MYO3B: variants seen among roughly 807,000 people sequenced by gnomAD.
MYO3B encodes myosin IIIB.
Under a neutral mutation model 174.6 loss-of-function variants are expected in MYO3B, and 156 were observed. The ratio of observed to expected loss-of-function variants is 0.89; its 90% CI spans 0.78 to 1.02. The LOEUF (loss-of-function observed/expected upper bound fraction) is 1.02, where lower values mean the gene tolerates loss of function less well. Among genes scored for constraint, MYO3B ranks in the 50% least tolerant of loss-of-function variants. The probability of loss-of-function intolerance (pLI) is 0.00; values close to 1 mark genes in which losing one functional copy is unlikely to be tolerated. For synonymous variants in MYO3B, 563 were observed against 569.1 expected (o/e 0.99, Z 0.15); for missense variants, 1,632 against 1,639.4 (o/e 1.00, Z 0.08).
chr2:170,381,083 T>C (rs2094331728), intron 9 of MYO3B, among the ~76,000 whole-genome samples: 2 of 152,204 alleles, frequency 1.3e-5, no homozygotes. Context: ...ACTATGCCAC[T>C]GCATTTCAGC....
At chr2:170,365,267 G>T (rs2094190322) in intron 8 of MYO3B, among the ~76,000 whole-genome samples, 1 of 152,168 alleles carries the variant, frequency 6.6e-6, no homozygotes, top group Non-Finnish European at 1.5e-5. Context: ...TAAAAGAGGG[G>T]CTAGAATCGA....
At chr2:170,529,187 C>A (rs955132101) in intron 30 of MYO3B, among the ~76,000 whole-genome samples, 1 of 152,062 alleles carries the variant, frequency 6.6e-6, no homozygotes, top group Non-Finnish European at 1.5e-5. Context: ...GAACAACAGA[C>A]ACTGGAACCT....
intron 7 of MYO3B, among the ~76,000 whole-genome samples, chr2:170,286,832 G>A (rs528666328): frequency 6.6e-6 from 1 of 152,070 alleles, no homozygotes; most frequent in South Asian, 2.1e-4. Flanking sequence ...ATAGAGTTCA[G>A]TGGTAATAAC....
At chr2:170,614,090 C>T (rs1695296929) in intron 32 of MYO3B, among the ~76,000 whole-genome samples, 1 of 152,162 alleles carries the variant, frequency 6.6e-6, no homozygotes, top group Admixed American at 6.5e-5. Context: ...CGTGCTCTCT[C>T]TCCCACCTCC....
intron 32 of MYO3B, among the ~76,000 whole-genome samples, chr2:170,583,077 C>A (rs141485095): frequency 2.6e-5 from 4 of 151,282 alleles, no homozygotes; most frequent in African/African-American, 7.3e-5. Flanking sequence ...CCCCGCACAC[C>A]CCCCACTGCA....
rs550771550 is a variant in MYO3B at position 170,648,486 on chromosome 2, C to T, written c.3734-3142C>T. ...CTCTATTAAAAATACAAAAACTTAG[C>T]TGGGTGTAGTGGTATCTGCCTGTAA... On this transcript the variant is annotated intron_variant, in intron 32 of 34. Transcript: ENST00000408978. Among the ~76,000 whole-genome samples, 11 of 151,428 alleles carry T rather than the reference C, an allele frequency of 7.3e-5. 1 individual carries two copies. In the South Asian group the frequency reaches 2.1e-3, roughly 29 times the overall value.
intron 32 of MYO3B, among the ~76,000 whole-genome samples, chr2:170,613,253 A>G (rs1695230659): frequency 2.0e-5 from 3 of 152,276 alleles, no homozygotes; most frequent in African/African-American, 7.2e-5. Context: ...GCTGAACACA[A>G]TTCAGCCTGC....
At position 170,192,839 on chromosome 2, in the gene MYO3B, G is replaced by T. The variant is rs187833244; in HGVS notation, c.3-6369G>T. Among the ~76,000 whole-genome samples, 468 of 151,494 alleles carry T rather than the reference G, an allele frequency of 3.1e-3. 2 individuals carry two copies. The highest frequency in any genetic ancestry group is 0.01 in the African/African-American group (430 of 41,434). ...AGTTTTAATATTCTCAGGTGGCTAGGTTTCTTCTTTCTATTATTAATATTT... is the reference window on the plus strand; with the variant it reads ...AGTTTTAATATTCTCAGGTGGCTAGTTTTCTTCTTTCTATTATTAATATTT... On this transcript the variant is annotated intron_variant, in intron 1 of 34. Coordinates refer to ENST00000408978, the MANE Select transcript of MYO3B (RefSeq NM_138995.5).
At position 170,382,000 on chromosome 2, in the gene MYO3B, CT is replaced by C. The variant is rs1558943783; in HGVS notation, c.972-14del. On this transcript the variant is annotated splice_polypyrimidine_tract_variant and intron_variant, in intron 9 of 34. Transcript: ENST00000408978. ...TTTGCTGTCTTAATGCTTAAACTCT[CT>C]TGATAAATTTCTAGGCATGAGAGGA... The C allele has an allele frequency of 6.2e-7, 1 of 1,605,964 alleles. No homozygotes were observed. The highest frequency in any genetic ancestry group is 1.1e-5 in the South Asian group (1 of 90,520).
chr2:170,500,295 A>G (rs1687176669), intron 27 of MYO3B, among the ~76,000 whole-genome samples: 1 of 152,198 alleles, frequency 6.6e-6, no homozygotes, highest in Non-Finnish European at 1.5e-5. Flanking sequence ...GGAAGATTCA[A>G]AGGTTTACGA....
At chr2:170,266,697 A>T (rs1420037773) in intron 7 of MYO3B, among the ~76,000 whole-genome samples, 1 of 152,190 alleles carries the variant, frequency 6.6e-6, no homozygotes, top group Non-Finnish European at 1.5e-5. Flanking sequence ...TTCACGACAG[A>T]TTCTCATCTG....
chr2:170,262,186 G>T (rs763245687), intron 7 of MYO3B, among the ~76,000 whole-genome samples: 1 of 152,218 alleles, frequency 6.6e-6, no homozygotes, highest in Non-Finnish European at 1.5e-5. Flanking sequence ...ACAAGGGGCA[G>T]AATTTTCAAA....
intron 23 of MYO3B, among the ~76,000 whole-genome samples, chr2:170,456,437 G>C (rs975613142): frequency 6.6e-6 from 1 of 152,188 alleles, no homozygotes; most frequent in Non-Finnish European, 1.5e-5. Flanking sequence ...TGGGCTATGG[G>C]AGAGACAGAG....
intron 23 of MYO3B, among the ~76,000 whole-genome samples, chr2:170,449,786 AAAAG>A (rs1413649183): frequency 6.6e-6 from 1 of 152,094 alleles, no homozygotes; most frequent in African/African-American, 2.4e-5. Context: ...TCAAAAAAAA[AAAAG>A]AAAAGAAAAA....
chr2:170,320,261 G>T (rs1174596234), intron 7 of MYO3B, among the ~76,000 whole-genome samples: 1 of 152,134 alleles, frequency 6.6e-6, no homozygotes, highest in Non-Finnish European at 1.5e-5. Flanking sequence ...TGCCCAAGCT[G>T]ATCTTGAACT....
At chr2:170,461,676 C>T (rs763009615) in intron 23 of MYO3B, among the ~76,000 whole-genome samples, 14 of 151,176 alleles carry the variant, frequency 9.3e-5, no homozygotes, top group African/African-American at 2.7e-4. Flanking sequence ...CTCGGGAGGC[C>T]GAGGCAGGAG....
intron 1 of MYO3B, among the ~76,000 whole-genome samples, chr2:170,183,983 T>C (rs1446691695): frequency 6.6e-6 from 1 of 152,072 alleles, no homozygotes; most frequent in Non-Finnish European, 1.5e-5. Flanking sequence ...AGTAATATAT[T>C]CCCTAATGTT....
chr2:170,263,926 A>G (rs957504952), intron 7 of MYO3B, among the ~76,000 whole-genome samples: 1 of 152,144 alleles, frequency 6.6e-6, no homozygotes, highest in Non-Finnish European at 1.5e-5. Flanking sequence ...AGGCTATCAC[A>G]TGTGGGGGAA....
chr2:170,453,718 T>C (rs1683747737), intron 23 of MYO3B, among the ~76,000 whole-genome samples: 1 of 152,222 alleles, frequency 6.6e-6, no homozygotes, highest in African/African-American at 2.4e-5. Context: ...TGCTGCCCGA[T>C]AGTCTGCATG....
Sources: gnomAD v4.1 joint callset for allele counts (sites outside exome capture counted in the v4.1 genomes callset) on GRCh38, gnomAD v4.1.1 for gene constraint, MANE v1.5 for transcripts, NCBI Gene and HGNC (gene_info 2026-07-23, HGNC 2026-07-21) for gene names.